Variants in SAMD14 observed in about 807,000 individuals in gnomAD.
SAMD14 encodes sterile alpha motif domain containing 14.
In SAMD14, 27 loss-of-function variants were observed where a neutral mutation model predicts 46.2. The ratio of observed to expected loss-of-function variants is 0.58; its 90% confidence interval spans 0.43 to 0.81. SAMD14 has a LOEUF of 0.81. SAMD14 is among the 30% of genes least tolerant of loss of function. The pLI, the probability that SAMD14 is intolerant of heterozygous loss-of-function variation, is 0.00. For missense variants in SAMD14, 559 were observed against 582.2 expected, an observed-to-expected ratio of 0.96 and a Z score of 0.41; for synonymous variants, 241 against 254.3, an observed-to-expected ratio of 0.95 and a Z score of 0.50.
At chr17:50,122,808 G>T (rs1053135216) in intron 2 of SAMD14, among the ~76,000 whole-genome samples, 2 of 152,144 alleles carry the variant, frequency 1.3e-5, no homozygotes, top group African/African-American at 2.4e-5. Context: ...GCAGCCTTGG[G>T]CTTGGAGCAT....
chr17:50,126,977 G>A (rs1013171176), intron 1 of SAMD14, among the ~76,000 whole-genome samples: 2 of 151,746 alleles, frequency 1.3e-5, no homozygotes, highest in Non-Finnish European at 2.9e-5. Context: ...GTGCACACCT[G>A]TAATCCCAGC....
chr17:50,124,872 T>TA, intron 2 of SAMD14, 45 bp downstream of exon 2: 1 of 1,602,812 alleles, frequency 6.2e-7, no homozygotes, highest in Non-Finnish European at 8.5e-7. Flanking sequence ...GGAAGTACTC[T>TA]ATGGCTGTGT....
chr17:50,129,010 G>A lies in SAMD14; in HGVS notation c.-13+507C>T, dbSNP rs1049298885. 6.6e-6 allele frequency among the ~76,000 whole-genome samples: 1 copy of A among 152,188 alleles called. No homozygotes were observed. The highest frequency in any genetic ancestry group is 6.5e-5 in the Admixed American group (1 of 15,284). On this transcript the variant is annotated intron_variant, in intron 1 of 9. Coordinates refer to ENST00000330175, the MANE Select transcript of SAMD14 (RefSeq NM_001257359.2). This position sits in a 1 kb window ranked among gnomAD's most constrained non-coding sequence, Gnocchi z 5.6. Reference sequence around the variant, plus strand: ...GAGGTGGATGGGAAAGGAGACTAGCGGTCGGGGAGGCAGTTGTGGAGCCAG... The same window carrying A: ...GAGGTGGATGGGAAAGGAGACTAGCAGTCGGGGAGGCAGTTGTGGAGCCAG...
chr17:50,124,758 T>TGCGCGCGCACGC (rs1555563075), intron 2 of SAMD14, among the ~76,000 whole-genome samples, 159 bp downstream of exon 2: 2 of 84,994 alleles, frequency 2.4e-5, no homozygotes, highest in Non-Finnish European at 4.9e-5. Flanking sequence ...CCTGCACGCG[T>TGCGCGCGCACGC]GCACGCGCGC....
chr17:50,127,999 C>CA (rs1306025012), intron 1 of SAMD14, among the ~76,000 whole-genome samples: 1 of 152,144 alleles, frequency 6.6e-6, no homozygotes, highest in Non-Finnish European at 1.5e-5. Flanking sequence ...AAATAGGTCT[C>CA]ATCTCCCCCC....
intron 9 of SAMD14, 104 bp downstream of exon 9, chr17:50,113,820 C>T (rs1221803134): frequency 4.9e-6 from 7 of 1,420,106 alleles, no homozygotes; most frequent in Non-Finnish European, 6.8e-6. Context: ...AAGGTCAGCC[C>T]AGGAGGCTGG....
At chr17:50,125,072 T>C in intron 1 of SAMD14, 101 bp from the exon 2 acceptor site, 1 of 1,015,914 alleles carries the variant, frequency 9.8e-7, no homozygotes. Flanking sequence ...GCTCCAGGCC[T>C]GTTGGCCCCT....
chr17:50,121,351 T>C (rs1911493548), intron 2 of SAMD14, among the ~76,000 whole-genome samples: 1 of 151,872 alleles, frequency 6.6e-6, no homozygotes, highest in African/African-American at 2.4e-5. Flanking sequence ...AGAATCTTGC[T>C]CTGCCACCCA....
rs112571050 is a variant in SAMD14, at chr17:50,114,558, G to A, written c.823-252C>T. 5.6e-3 allele frequency: 5,100 copies of A among 918,662 alleles called. 132 individuals are homozygous for A. In the African/African-American group the frequency reaches 0.066, roughly 12 times the overall value. The allele number at this position is 918,662 out of a possible 1,614,324, so 56.9% of individuals were successfully genotyped here. ...AAGCCAGGTTAGTAGGAATGGAGGC[G>A]GTCTCAGGCAAGGTGTCACTTCCTA... On this transcript the variant is annotated intron_variant, in intron 7 of 9. Coordinates refer to ENST00000330175, the MANE Select transcript of SAMD14 (RefSeq NM_001257359.2).
In SAMD14 at chr17:50,116,070, G is replaced by A. The variant is rs1911185336; in HGVS notation, c.520C>T (p.Pro174Ser). Reference protein sequence around the residue: ...HSEDDSRDASPPEPASPTIGL... With the variant: ...HSEDDSRDASSPEPASPTIGL... ...ATGGTGGGGCTGGCGGGCTCAGGAG[G>A]ACTGGCGTCACGGCTGTCATCTTTC... Residue 174 changes from proline to serine, a missense_variant, in exon 5 of 10, where the codon CCT becomes TCT. Pro to Ser is a moderately conservative substitution (Grantham distance 74, BLOSUM62 -1). Transcript: ENST00000330175. 4 of 1,613,750 alleles carry A rather than the reference G, an allele frequency of 2.5e-6. No homozygotes were observed. The highest frequency in any genetic ancestry group is 1.3e-5 in the African/African-American group (1 of 74,912).
In SAMD14 at chr17:50,112,721, TG is replaced by T; in HGVS notation, c.*171del. 1.4e-6 allele frequency: 1 copy of T among 707,418 alleles called. No homozygotes were observed. Among genetic ancestry groups the T allele is most frequent in the Non-Finnish European group, 2.2e-6 (1 of 445,242 alleles). The allele number at this position is 707,418 out of a possible 1,614,324, so 43.8% of individuals were successfully genotyped here. A position where few individuals can be genotyped will look rare whatever the true frequency, so the allele number is the denominator to read the frequency against. On this transcript the variant is annotated 3_prime_UTR_variant, in exon 10 of 10. Coordinates refer to ENST00000330175, the MANE Select transcript of SAMD14 (RefSeq NM_001257359.2). ...GCCCTCTCCCTGGGGTCTCCCTTTCTGGGGTCTCTGGGTCTAGACCAAGTGA... is the reference window on the plus strand; with the variant it reads ...GCCCTCTCCCTGGGGTCTCCCTTTCTGGGTCTCTGGGTCTAGACCAAGTGA...
intron 1 of SAMD14, among the ~76,000 whole-genome samples, chr17:50,127,165 A>G (rs1345466006): frequency 6.6e-6 from 1 of 152,116 alleles, no homozygotes; most frequent in Non-Finnish European, 1.5e-5. Context: ...AATAATAATA[A>G]AAGAGGCAGA....
intron 2 of SAMD14, among the ~76,000 whole-genome samples, chr17:50,122,361 TC>T (rs1386563461): frequency 2.6e-5 from 4 of 152,252 alleles, no homozygotes; most frequent in Admixed American, 6.5e-5. Flanking sequence ...AAGTCACACT[TC>T]CATGGACTAG....
In SAMD14 at chr17:50,112,401, C is replaced by T. The variant is rs762574930; in HGVS notation, c.*492G>A. Reference sequence around the variant, plus strand: ...GGGGAGCAGGACAGAGCTCTCCCACCACACAGCCCCCTGGAAGAGTGGAGA... The same window carrying T: ...GGGGAGCAGGACAGAGCTCTCCCACTACACAGCCCCCTGGAAGAGTGGAGA... On this transcript the variant is annotated 3_prime_UTR_variant, in exon 10 of 10. Coordinates refer to ENST00000330175, the MANE Select transcript of SAMD14 (RefSeq NM_001257359.2). The T allele has an allele frequency of 6.5e-6, 1 of 153,172 alleles. No individual in the cohort carries two copies. Among genetic ancestry groups the T allele is most frequent in the Non-Finnish European group, 1.5e-5 (1 of 68,792 alleles). The allele number at this position is 153,172 out of a possible 1,614,324, so 9.5% of individuals were successfully genotyped here.
intron 2 of SAMD14, among the ~76,000 whole-genome samples, chr17:50,124,325 G>C (rs1911646775): frequency 6.6e-6 from 1 of 152,156 alleles, no homozygotes; most frequent in Non-Finnish European, 1.5e-5. Flanking sequence ...GAGGGGGCCA[G>C]CCTGGGGGTA....
In SAMD14 at chr17:50,112,813, G is replaced by A. The variant is rs1910924290; in HGVS notation, c.*80C>T. On this transcript the variant is annotated 3_prime_UTR_variant, in exon 10 of 10. Coordinates refer to ENST00000330175, the MANE Select transcript of SAMD14 (RefSeq NM_001257359.2). Reference sequence around the variant, plus strand: ...CAGGCTAGCCCAAGTGCAGCGCCCAGGTCCAGCCTCCCTGGTGAGGCCTGT... The same window carrying A: ...CAGGCTAGCCCAAGTGCAGCGCCCAAGTCCAGCCTCCCTGGTGAGGCCTGT... 8 of 1,509,658 alleles carry A rather than the reference G, an allele frequency of 5.3e-6. No homozygotes were observed. Among genetic ancestry groups the A allele is most frequent in the Non-Finnish European group, 7.1e-6 (8 of 1,126,566 alleles). The allele number at this position is 1,509,658 out of a possible 1,614,324, so 93.5% of individuals were successfully genotyped here. A position where few individuals can be genotyped will look rare whatever the true frequency, so the allele number is the denominator to read the frequency against.
intron 2 of SAMD14, among the ~76,000 whole-genome samples, chr17:50,119,670 C>T (rs1911409985): frequency 6.6e-6 from 1 of 152,192 alleles, no homozygotes; most frequent in Admixed American, 6.5e-5. Context: ...CCAGCTTCTA[C>T]TCTCTTCCTT....
Position 50,121,148 on chromosome 17 carries a change from G to T in SAMD14, c.44-2821C>A, listed in dbSNP as rs757261506. ...GGAACCTGGGCTCTCCTCTCCTCTGGACCGAACTGCCTTAGCTCAGGCCTT... is the reference window on the plus strand; with the variant it reads ...GGAACCTGGGCTCTCCTCTCCTCTGTACCGAACTGCCTTAGCTCAGGCCTT... On this transcript the variant is annotated intron_variant, in intron 2 of 9. Transcript: ENST00000330175. Among the ~76,000 whole-genome samples, 18 of 152,060 alleles carry T rather than the reference G, an allele frequency of 1.2e-4. 1 individual carries two copies. The highest frequency in any genetic ancestry group is 2.2e-4 in the Non-Finnish European group (15 of 68,004).
chr17:50,113,824 A>G, intron 9 of SAMD14, 100 bp downstream of exon 9: 1 of 1,412,018 alleles, frequency 7.1e-7, no homozygotes, highest in South Asian at 1.3e-5. Context: ...TCAGCCCAGG[A>G]GGCTGGGCTG....
Sources: gnomAD v4.1 joint callset for allele counts (sites outside exome capture counted in the v4.1 genomes callset) on GRCh38, gnomAD v4.1.1 for gene constraint, Gnocchi (gnomAD v3.1) non-coding constraint, MANE v1.5 for transcripts, NCBI Gene and HGNC (gene_info 2026-07-23, HGNC 2026-07-21) for gene names.